The following HK1 variants were observed in gnomAD, a reference collection of about 807,000 sequenced individuals.
HK1 encodes hexokinase 1.
A neutral mutation model predicts 91.6 loss-of-function variants in HK1; 28 were observed. The ratio of observed to expected loss-of-function variants is 0.31; its 90% CI spans 0.23 to 0.42. HK1 has a LOEUF of 0.42. Among genes scored for constraint, HK1 ranks in the 10% least tolerant of loss-of-function variants. The pLI is 1.00. For missense variants in HK1, 770 were observed against 1,219.8 expected (o/e 0.63, Z 5.49); for synonymous variants, 430 against 468.1 (o/e 0.92, Z 1.05).
intron 2 of HK1, among the ~76,000 whole-genome samples, chr10:69,356,394 T>C (rs1162394201): frequency 2.6e-5 from 4 of 152,074 alleles, no homozygotes; most frequent in Non-Finnish European, 5.9e-5. Flanking sequence ...ATTGCACCAT[T>C]GTACTCCAGC....
chr10:69,396,785 G>A (rs1589592287), intron 16 of HK1, among the ~76,000 whole-genome samples: 1 of 152,142 alleles, frequency 6.6e-6, no homozygotes, highest in Non-Finnish European at 1.5e-5. Flanking sequence ...GGGTTCAAGC[G>A]ATTCTCCTGC....
intron 15 of HK1, 73 bp from the exon 16 acceptor site, chr10:69,394,877 A>C: frequency 6.8e-7 from 1 of 1,477,288 alleles, no homozygotes; most frequent in Admixed American, 1.7e-5. Flanking sequence ...ACGCGGAGTG[A>C]CCGTGAGACC....
At chr10:69,385,332 T>G (rs868711332) in intron 12 of HK1, among the ~76,000 whole-genome samples, 3 of 152,208 alleles carry the variant, frequency 2.0e-5, no homozygotes, top group Non-Finnish European at 4.4e-5. Context: ...AATAAATGTT[T>G]GTTCAATATA....
At chr10:69,313,140 C>A (rs893064416), upstream of HK1, among the ~76,000 whole-genome samples, 7 of 152,330 alleles carry the variant, frequency 4.6e-5, no homozygotes, top group African/African-American at 1.7e-4. Context: ...CTAGGCACGG[C>A]TCTTGCCTCA....
intron 4 of HK1, among the ~76,000 whole-genome samples, chr10:69,297,283 C>G (rs1845612947): frequency 6.6e-6 from 1 of 152,094 alleles, no homozygotes; most frequent in Non-Finnish European, 1.5e-5. Flanking sequence ...GGGAGTGGAT[C>G]ACCATGAAGG....
intron 1 of HK1, among the ~76,000 whole-genome samples, chr10:69,281,724 G>A (rs1277143818): frequency 2.0e-5 from 3 of 152,210 alleles, no homozygotes; most frequent in Non-Finnish European, 2.9e-5. Context: ...AAGGGTTTGG[G>A]TGGGGAATGG....
At chr10:69,347,914 T>A (rs554405378) in intron 2 of HK1, among the ~76,000 whole-genome samples, 78 of 152,270 alleles carry the variant, frequency 5.1e-4, no homozygotes, top group Non-Finnish European at 1.1e-3. Flanking sequence ...TTTAAGGGCC[T>A]TTAGTTCAAA....
At chr10:69,386,299 C>T in intron 12 of HK1, 24 bp from the exon 13 acceptor site, 1 of 1,597,088 alleles carries the variant, frequency 6.3e-7, no homozygotes, top group Admixed American at 1.7e-5. Context: ...ACACAGGACT[C>T]TCCTGGTGCT....
Position 69,369,761 on chromosome 10 carries a change from C to A in HK1, c.875+137C>A. On this transcript the variant is annotated intron_variant, in intron 7 of 17. Transcript: ENST00000359426. This position sits in a 1 kb window ranked among gnomAD's most constrained non-coding sequence, Gnocchi z 4.4. ...AGCCTGTCACATTTTTTTTTTGAGG[C>A]GGAGTCTTGCTCTGTCACCCAGGCT... 1 of 858,372 alleles carries A rather than the reference C, an allele frequency of 1.2e-6. No individual in the cohort carries two copies. Among genetic ancestry groups the A allele is most frequent in the Non-Finnish European group, 1.9e-6 (1 of 526,632 alleles). 53.2% of individuals were successfully genotyped at this position (858,372 alleles called of 1,614,324 possible).
chr10:69,339,858 C>T lies in HK1; in HGVS notation c.64-3969C>T, dbSNP rs1228183653. On this transcript the variant is annotated intron_variant, in intron 1 of 17. Coordinates refer to ENST00000359426, the MANE Select transcript of HK1 (RefSeq NM_000188.3). ...GAGCCTTAGACTTGCAGGTATAAAA[C>T]CTCACTCCCCCAGCTGTGTGCTTTG... Among the ~76,000 whole-genome samples the T allele has an allele frequency of 2.6e-5, 4 of 152,178 alleles. No homozygotes were observed. The East Asian group carries it at 7.7e-4, about 29-fold the overall frequency.
chr10:69,389,630 C>T (rs1317761591), intron 14 of HK1, among the ~76,000 whole-genome samples: 1 of 150,970 alleles, frequency 6.6e-6, no homozygotes, highest in Non-Finnish European at 1.5e-5. Context: ...CATGGCAGCT[C>T]TATGGGCCTT....
intron 1 of HK1, among the ~76,000 whole-genome samples, chr10:69,319,765 G>A (rs1011387434): frequency 6.6e-6 from 1 of 152,222 alleles, no homozygotes; most frequent in Non-Finnish European, 1.5e-5. Flanking sequence ...CTGTCCTGAG[G>A]TGTTGTTGCC....
intron 3 of HK1, among the ~76,000 whole-genome samples, chr10:69,293,984 C>T (rs1021816327): frequency 1.6e-4 from 24 of 151,450 alleles, no homozygotes; most frequent in African/African-American, 5.1e-4. Context: ...GCCTCAGCCT[C>T]CCGAGTAGCT....
intron 1 of HK1, among the ~76,000 whole-genome samples, chr10:69,280,647 T>C (rs1232486482): frequency 1.3e-5 from 2 of 152,208 alleles, no homozygotes; most frequent in Non-Finnish European, 2.9e-5. Context: ...CTGCCCCTTC[T>C]ACCAGTGAGG....
At chr10:69,315,987 T>C (rs752832069), upstream of HK1, 1 of 1,614,156 alleles carries the variant, frequency 6.2e-7, no homozygotes, top group Admixed American at 1.7e-5. Context: ...GTTTGCCCTG[T>C]CGAGGTGCTG....
At chr10:69,381,710 T>G (rs1429640215) in intron 9 of HK1, among the ~76,000 whole-genome samples, 4 of 151,918 alleles carry the variant, frequency 2.6e-5, no homozygotes, top group Non-Finnish European at 4.4e-5. Context: ...TCTGCCACCA[T>G]ACCCAGCTAA....
At chr10:69,379,771 G>C (rs1839293406) in intron 8 of HK1, 91 bp from the exon 9 acceptor site, 4 of 906,678 alleles carry the variant, frequency 4.4e-6, no homozygotes, top group African/African-American at 1.6e-5. Flanking sequence ...ATGGTAAGTG[G>C]GGCTGTCCCT....
intron 1 of HK1, among the ~76,000 whole-genome samples, chr10:69,276,118 A>AAAAAAAAAT: frequency 2.4e-4 from 9 of 38,268 alleles, no homozygotes; most frequent in African/African-American, 2.3e-4. Flanking sequence ...AAAAAAAAAA[A>AAAAAAAAAT]ATACATATAT....
chr10:69,295,041 G>C (rs1458176542), intron 3 of HK1, among the ~76,000 whole-genome samples: 1 of 145,364 alleles, frequency 6.9e-6, no homozygotes, highest in Non-Finnish European at 1.5e-5. Flanking sequence ...GAGAGAAAGA[G>C]AGACCCTGTC....
Sources: gnomAD v4.1 joint callset for allele counts (sites outside exome capture counted in the v4.1 genomes callset) on GRCh38, gnomAD v4.1.1 for gene constraint, Gnocchi (gnomAD v3.1) non-coding constraint, MANE v1.5 for transcripts, NCBI Gene and HGNC (gene_info 2026-07-23, HGNC 2026-07-21) for gene names.